The following USP43 variants were observed in gnomAD, a reference collection of about 807,000 sequenced individuals.
USP43 encodes the protein ubiquitin carboxyl-terminal hydrolase 43.
A neutral mutation model predicts 90.7 loss-of-function variants in USP43; 33 were observed. The ratio of observed to expected loss-of-function variants is 0.36; its 90% CI spans 0.28 to 0.49. The LOEUF (loss-of-function observed/expected upper bound fraction) is 0.49. Ranked by LOEUF, USP43 falls within the 20% of genes least tolerant of loss-of-function variation. USP43 has a pLI of 0.98. For synonymous variants in USP43, 598 were observed against 615.8 expected (o/e 0.97, Z 0.43); for missense variants, 1,274 against 1,476.4 (o/e 0.86, Z 2.25).
intron 7 of USP43, among the ~76,000 whole-genome samples, chr17:9,683,760 A>T (rs1284133063): frequency 1.3e-5 from 2 of 152,200 alleles, no homozygotes; most frequent in East Asian, 1.9e-4. Context: ...TTCAAAAGTA[A>T]GGCTGGGCTA....
At chr17:9,720,520 C>T (rs1408552597) in intron 14 of USP43, among the ~76,000 whole-genome samples, 3 of 150,942 alleles carry the variant, frequency 2.0e-5, no homozygotes, top group African/African-American at 7.3e-5. Context: ...TGGTGTTTCA[C>T]TCTTGTTGCC....
intron 14 of USP43, among the ~76,000 whole-genome samples, chr17:9,716,771 A>G (rs532915398): frequency 1.4e-4 from 22 of 152,298 alleles, no homozygotes; most frequent in East Asian, 5.8e-4. Context: ...CAAAAATCCA[A>G]TGCAAGTTTT....
chr17:9,653,829 A>T (rs1912042747), intron 1 of USP43, among the ~76,000 whole-genome samples: 1 of 152,174 alleles, frequency 6.6e-6, no homozygotes, highest in African/African-American at 2.4e-5. Context: ...CCATGAAGTC[A>T]GTGGGTTGGC....
chr17:9,662,281 G>A (rs1216096628), intron 2 of USP43, among the ~76,000 whole-genome samples: 2 of 152,050 alleles, frequency 1.3e-5, no homozygotes, highest in East Asian at 1.9e-4. Context: ...GAGTGGATAC[G>A]GGGCAGTCAA....
intron 8 of USP43, among the ~76,000 whole-genome samples, chr17:9,689,780 A>G (rs1914822218): frequency 6.6e-6 from 1 of 152,150 alleles, no homozygotes; most frequent in Non-Finnish European, 1.5e-5. Context: ...GTGTGCAGGC[A>G]GAGTAGGCTG....
At position 9,729,384 on chromosome 17, in the gene USP43, T is replaced by C. The variant is rs1917469716; in HGVS notation, c.*394T>C. 2 of 152,866 alleles carry C rather than the reference T, an allele frequency of 1.3e-5. No homozygotes were observed. The highest frequency in any genetic ancestry group is 2.1e-4 in the South Asian group (1 of 4,832). 9.5% of individuals were successfully genotyped at this position (152,866 alleles called of 1,614,324 possible). A position where few individuals can be genotyped will look rare whatever the true frequency, so the allele number is the denominator to read the frequency against. On this transcript the variant is annotated 3_prime_UTR_variant, in exon 15 of 15. Transcript: ENST00000285199. Reference sequence around the variant, plus strand: ...ATGGCTTTTCCTTTTTCTTTCTTTTTTTTTTTTAAATTGTGGACTTAAAGA... The same window carrying C: ...ATGGCTTTTCCTTTTTCTTTCTTTTCTTTTTTTAAATTGTGGACTTAAAGA...
chr17:9,696,195 A>G (rs755494327), intron 9 of USP43, among the ~76,000 whole-genome samples: 2 of 151,826 alleles, frequency 1.3e-5, no homozygotes, highest in Non-Finnish European at 2.9e-5. Context: ...GTGCAGTGGC[A>G]CAATCTCGGC....
chr17:9,679,834 C>G (rs954584517), intron 5 of USP43, among the ~76,000 whole-genome samples: 5 of 152,090 alleles, frequency 3.3e-5, no homozygotes, highest in African/African-American at 1.2e-4. Context: ...AAAACCATCT[C>G]CTATTTACTT....
At chr17:9,712,322 C>T (rs1916254618) in intron 14 of USP43, among the ~76,000 whole-genome samples, 190 bp downstream of exon 14, 1 of 152,158 alleles carries the variant, frequency 6.6e-6, no homozygotes, top group Admixed American at 6.6e-5. Flanking sequence ...ATCCTCTACC[C>T]TCCAGCCACA....
At chr17:9,675,376 A>G (rs1190476486) in intron 4 of USP43, among the ~76,000 whole-genome samples, 1 of 152,208 alleles carries the variant, frequency 6.6e-6, no homozygotes, top group Admixed American at 6.5e-5. Context: ...GTGCAGGAAA[A>G]AGATTTCTTT....
chr17:9,715,528 ATGTCTGTGTGTG>A (rs1916455315), intron 14 of USP43, among the ~76,000 whole-genome samples: 1 of 151,106 alleles, frequency 6.6e-6, no homozygotes, highest in African/African-American at 2.4e-5. Flanking sequence ...GCCTGTGTGT[ATGTCTGTGTGTG>A]TGTCTGTGTC....
At chr17:9,720,186 C>T (rs1290868670) in intron 14 of USP43, among the ~76,000 whole-genome samples, 4 of 151,642 alleles carry the variant, frequency 2.6e-5, no homozygotes, top group Non-Finnish European at 5.9e-5. Context: ...ATTAGTTGGG[C>T]ATGGTGGTGT....
At position 9,705,291 on chromosome 17, in the gene USP43, C is replaced by CT. The variant is rs61284524; in HGVS notation, c.2011+3605dup. Among the ~76,000 whole-genome samples the CT allele has an allele frequency of 4.7e-3, 649 of 137,762 alleles. 5 individuals are homozygous for CT. The highest frequency in any genetic ancestry group is 5.6e-3 in the African/African-American group (210 of 37,792). 90.4% of individuals were successfully genotyped at this position (137,762 alleles called of 152,430 possible). ...GTACTATTTACTGTGTTGCACCTGG[C>CT]TTTTTTTTTTTTTTCTCTCTGAAAA... On this transcript the variant is annotated intron_variant, in intron 12 of 14. Transcript: ENST00000285199.
chr17:9,709,372 TTTTA>T lies in USP43; in HGVS notation c.2012-580_2012-577del, dbSNP rs544981668. On this transcript the variant is annotated intron_variant, in intron 12 of 14. Coordinates refer to ENST00000285199, the MANE Select transcript of USP43 (RefSeq NM_153210.5). The surrounding 1 kb of genome is among the most constrained non-coding windows in gnomAD (Gnocchi z 5.0). Reference sequence around the variant, plus strand: ...TTGGCTACCTAACTTGGGAGCTCCCTTTTATTTGAGATTTTGCCTGATGAAGGGG... The same window carrying T: ...TTGGCTACCTAACTTGGGAGCTCCCTTTTGAGATTTTGCCTGATGAAGGGG... Among the ~76,000 whole-genome samples the T allele has an allele frequency of 4.8e-3, 733 of 152,288 alleles. 6 individuals carry two copies. Among genetic ancestry groups the T allele is most frequent in the Non-Finnish European group, 6.7e-3 (458 of 68,030 alleles).
intron 14 of USP43, among the ~76,000 whole-genome samples, chr17:9,721,138 T>C (rs949495823): frequency 6.6e-6 from 1 of 151,596 alleles, no homozygotes; most frequent in Non-Finnish European, 1.5e-5. Flanking sequence ...TATACAACCA[T>C]GACCATGTAA....
intron 9 of USP43, among the ~76,000 whole-genome samples, chr17:9,696,767 G>C (rs1915294061): frequency 6.6e-6 from 1 of 152,230 alleles, no homozygotes; most frequent in Admixed American, 6.5e-5. Context: ...CACTTGTGAA[G>C]GTGGCCTACA....
chr17:9,690,651 G>T (rs771047934), intron 8 of USP43, among the ~76,000 whole-genome samples: 2 of 152,158 alleles, frequency 1.3e-5, no homozygotes, highest in African/African-American at 4.8e-5. Flanking sequence ...TTGGGAGGCC[G>T]AGGCAGGTGG....
intron 14 of USP43, among the ~76,000 whole-genome samples, chr17:9,727,589 CA>C (rs1161998471): frequency 3.3e-5 from 5 of 151,834 alleles, no homozygotes; most frequent in Non-Finnish European, 7.4e-5. Flanking sequence ...CCTAGAAAAG[CA>C]GGAACTTTTG....
At chr17:9,723,708 C>G (rs1442272204) in intron 14 of USP43, among the ~76,000 whole-genome samples, 3 of 151,346 alleles carry the variant, frequency 2.0e-5, no homozygotes, top group Non-Finnish European at 4.4e-5. Context: ...CTCAGCCTCA[C>G]GAACAGCTGG....
Sources: gnomAD v4.1 joint callset for allele counts (sites outside exome capture counted in the v4.1 genomes callset) on GRCh38, gnomAD v4.1.1 for gene constraint, Gnocchi (gnomAD v3.1) non-coding constraint, MANE v1.5 for transcripts, NCBI Gene and HGNC (gene_info 2026-07-23, HGNC 2026-07-21) for gene names.